The following PCDHA7 variants were observed in gnomAD, a reference collection of about 807,000 sequenced individuals.
PCDHA7 encodes the protein protocadherin alpha-7.
A neutral mutation model predicts 57.2 loss-of-function variants in PCDHA7; 37 were observed. That is an observed-to-expected ratio of 0.65 (90% confidence interval 0.50 to 0.85). The LOEUF (loss-of-function observed/expected upper bound fraction) is 0.85, where lower values mean the gene tolerates loss of function less well. PCDHA7 is among the 40% of genes least tolerant of loss of function. PCDHA7 has a pLI of 0.00. For synonymous variants in PCDHA7, 553 were observed against 558.8 expected (o/e 0.99, Z 0.15); for missense variants, 1,188 against 1,241.8 (o/e 0.96, Z 0.65).
At chr5:140,863,357 G>GCCAAGCACCGCAGC in intron 1 of PCDHA7, 1 of 1,259,532 alleles carries the variant, frequency 7.9e-7, no homozygotes, top group Non-Finnish European at 1.1e-6. Flanking sequence ...ACGACGCTGC[G>GCCAAGCACCGCAGC]GTGCTTGGCG....
At chr5:140,888,260 A>G (rs563968634) in intron 1 of PCDHA7, among the ~76,000 whole-genome samples, 1 of 152,194 alleles carries the variant, frequency 6.6e-6, no homozygotes, top group South Asian at 2.1e-4. Flanking sequence ...GTAGTTCTTG[A>G]TAAGAAACAG....
At position 140,836,662 on chromosome 5, in the gene PCDHA7, C is replaced by CTTGGG; in HGVS notation, c.2280_2281insTGGGT (p.Gly761TrpfsTer41). On this transcript the variant is annotated frameshift_variant, in exon 1 of 4. Coordinates refer to ENST00000525929, the MANE Select transcript of PCDHA7 (RefSeq NM_018910.3). LOFTEE classifies it high-confidence loss of function. The stretch of plus-strand genomic sequence containing the variant: ...CAGCAGAGGCGGCAGAGGGTGTGCT[C>CTTGGG]TGGGGAGGGCCCACCCAAGACAGAC... 6.2e-7 allele frequency: 1 copy of CTTGGG among 1,613,452 alleles called. No homozygotes were observed.
chr5:140,943,603 G>A (rs1554215788), intron 1 of PCDHA7, among the ~76,000 whole-genome samples: 1 of 152,100 alleles, frequency 6.6e-6, no homozygotes, highest in African/African-American at 2.4e-5. Context: ...TCTAAATATA[G>A]ACTTTGATTC....
rs2150249126 is a variant in PCDHA7, at chr5:140,835,958, C to G, written c.1575C>G (p.His525Gln). 96 of 1,612,940 alleles carry G rather than the reference C, an allele frequency of 6.0e-5. 1 individual carries two copies. The highest frequency in any genetic ancestry group is 7.7e-5 in the Non-Finnish European group (91 of 1,179,702). Residue 525 changes from histidine (H) to glutamine (Q), a missense_variant, in exon 1 of 4, where the codon CAC becomes CAG. By Grantham distance (24) the His-to-Gln change is conservative (BLOSUM62 0). Transcript: ENST00000525929. ...TGTACGCGCTGCAGCCGTTGGACCA[C>G]GAGGAGCTGGAGCTGTTGCAGTTCC... ...GKVYALQPLDHEELELLQFQV... is the reference protein window; with the variant it reads ...GKVYALQPLDQEELELLQFQV...
chr5:140,894,354 TTTC>T (rs1477056787), intron 1 of PCDHA7, among the ~76,000 whole-genome samples: 2 of 152,070 alleles, frequency 1.3e-5, no homozygotes, highest in Admixed American at 1.3e-4. Context: ...TTACTTCAGA[TTTC>T]TTCTTCAATG....
At chr5:140,927,183 C>T (rs1554204140) in intron 1 of PCDHA7, 12 of 1,614,160 alleles carry the variant, frequency 7.4e-6, no homozygotes, top group Non-Finnish European at 1.0e-5. Context: ...TCTTGACCTA[C>T]GACCTGGTGC....
chr5:140,992,807 C>T (rs781970284), intron 3 of PCDHA7, among the ~76,000 whole-genome samples: 2 of 152,226 alleles, frequency 1.3e-5, no homozygotes, highest in African/African-American at 4.8e-5. Flanking sequence ...CCATATGTAT[C>T]TAAGGATGTG....
At chr5:140,957,531 G>A (rs2095365025) in intron 1 of PCDHA7, among the ~76,000 whole-genome samples, 1 of 152,080 alleles carries the variant, frequency 6.6e-6, no homozygotes, top group Non-Finnish European at 1.5e-5. Flanking sequence ...ATTCAGTGGG[G>A]ATCTTAGAAA....
intron 1 of PCDHA7, chr5:140,926,972 C>G (rs782504064): frequency 1.3e-5 from 21 of 1,609,464 alleles, no homozygotes; most frequent in Non-Finnish European, 1.7e-5. Context: ...TACTCAGTGC[C>G]GGAGGAGACG....
intron 3 of PCDHA7, among the ~76,000 whole-genome samples, chr5:140,989,714 A>T (rs2097355942): frequency 6.6e-6 from 1 of 152,202 alleles, no homozygotes; most frequent in Non-Finnish European, 1.5e-5. Context: ...AGAGGCAGTC[A>T]GCTTTGCAGT....
chr5:140,948,255 C>G (rs1271882562), intron 1 of PCDHA7, among the ~76,000 whole-genome samples: 1 of 151,484 alleles, frequency 6.6e-6, no homozygotes, highest in Non-Finnish European at 1.5e-5. Flanking sequence ...ATTTTTACAT[C>G]TGTGTTCATG....
chr5:140,850,669 C>T lies in PCDHA7; in HGVS notation c.2355+13931C>T, dbSNP rs2150493050. 128 of 1,598,504 alleles carry T rather than the reference C, an allele frequency of 8.0e-5. 13 individuals are homozygous for T. The highest frequency in any genetic ancestry group is 3.3e-4 in the Middle Eastern group (2 of 5,998). The stretch of plus-strand genomic sequence containing the variant: ...CTGTACACTGTGCTGCGGTGCTCGG[C>T]GATGCCCACCGAGGGCGAGTGCGCG... On this transcript the variant is annotated intron_variant, in intron 1 of 3. Transcript: ENST00000525929.
intron 1 of PCDHA7, among the ~76,000 whole-genome samples, chr5:140,976,307 T>C (rs955106939): frequency 6.6e-6 from 1 of 152,100 alleles, no homozygotes; most frequent in African/African-American, 2.4e-5. Flanking sequence ...TCCCAGCACT[T>C]TGGGAGGCCG....
chr5:140,836,046 G>A lies in PCDHA7; in HGVS notation c.1663G>A (p.Val555Met), dbSNP rs2150251403. ...CAGCAACGTGACGCTGCAGGTGTTC[G>A]TGCTGGACGAGAACGACAACGCGCC... Reference protein sequence around the residue: ...LGSNVTLQVFVLDENDNAPAL... With the variant: ...LGSNVTLQVFMLDENDNAPAL... The change falls in exon 1 of 4, where the codon GTG (valine) becomes ATG (methionine). Residue 555 changes from valine to methionine, a missense_variant. Coordinates refer to ENST00000525929, the MANE Select transcript of PCDHA7 (RefSeq NM_018910.3). 3 of 1,613,572 alleles carry A rather than the reference G, an allele frequency of 1.9e-6. No homozygotes were observed. The highest frequency in any genetic ancestry group is 1.7e-5 in the Admixed American group (1 of 60,008).
At chr5:140,991,071 T>A (rs2097430480) in intron 3 of PCDHA7, among the ~76,000 whole-genome samples, 1 of 152,152 alleles carries the variant, frequency 6.6e-6, no homozygotes, top group African/African-American at 2.4e-5. Flanking sequence ...ATTCCCATGT[T>A]TCAGATAAAA....
chr5:140,908,998 C>G (rs2074255436), intron 1 of PCDHA7, among the ~76,000 whole-genome samples: 1 of 152,156 alleles, frequency 6.6e-6, no homozygotes, highest in South Asian at 2.1e-4. Flanking sequence ...AGAAATTTTA[C>G]TGAGGTAGAA....
At chr5:140,962,405 C>A (rs2095680586) in intron 1 of PCDHA7, among the ~76,000 whole-genome samples, 1 of 152,200 alleles carries the variant, frequency 6.6e-6, no homozygotes, top group South Asian at 2.1e-4. Context: ...TGCCCCAAAC[C>A]TGTCTCTCCC....
chr5:140,905,771 G>A lies in PCDHA7; in HGVS notation c.2355+69033G>A, dbSNP rs112500166. ...TCACCTCCTTGGTTAAGTATATTCC[G>A]AAGTGTATTAGTCAGGGTTCTCTAG... is the stretch of plus-strand genomic sequence containing the variant. On this transcript the variant is annotated intron_variant, in intron 1 of 3. Coordinates refer to ENST00000525929, the MANE Select transcript of PCDHA7 (RefSeq NM_018910.3). Among the ~76,000 whole-genome samples the A allele has an allele frequency of 4.4e-3, 670 of 152,104 alleles. 7 individuals are homozygous for A. Among genetic ancestry groups the A allele is most frequent in the African/African-American group, 0.015 (623 of 41,484 alleles).
intron 3 of PCDHA7, among the ~76,000 whole-genome samples, chr5:141,003,650 A>G (rs2098132767): frequency 6.6e-6 from 1 of 152,170 alleles, no homozygotes; most frequent in Admixed American, 6.5e-5. Flanking sequence ...GAAGATCTGT[A>G]TGCATTTATT....
Sources: allele counts gnomAD v4.1 joint callset (sites outside exome capture counted in the v4.1 genomes callset), GRCh38; gene constraint gnomAD v4.1.1; transcripts MANE v1.5; gene names NCBI Gene and HGNC (gene_info 2026-07-23, HGNC 2026-07-21).